Variants in ADCY8 observed in about 807,000 individuals in gnomAD.
ADCY8 encodes the protein adenylate cyclase 8, also known as adenylate cyclase type 8.
A neutral mutation model predicts 119.7 loss-of-function variants in ADCY8; 51 were observed. The observed-to-expected ratio is 0.43, with a 90% CI of 0.34 to 0.54. The LOEUF (loss-of-function observed/expected upper bound fraction) is 0.54, where lower values mean the gene tolerates loss of function less well. Among genes scored for constraint, ADCY8 ranks in the 20% least tolerant of loss-of-function variants. The pLI is 0.03. For missense variants in ADCY8, 1,383 were observed against 1,598.8 expected (o/e 0.87, Z 2.30); for synonymous variants, 665 against 651.0 (o/e 1.02, Z -0.33).
At chr8:130,897,985 TAC>T (rs1239022207) in intron 7 of ADCY8, among the ~76,000 whole-genome samples, 2 of 149,524 alleles carry the variant, frequency 1.3e-5, no homozygotes, top group Non-Finnish European at 3.0e-5. Flanking sequence ...TCACACACAC[TAC>T]ACACACAACA....
At chr8:130,785,796 T>G (rs1815232303) in intron 15 of ADCY8, among the ~76,000 whole-genome samples, 1 of 152,208 alleles carries the variant, frequency 6.6e-6, no homozygotes, top group African/African-American at 2.4e-5. Flanking sequence ...TCAAAACCAG[T>G]CTTCACTGTG....
intron 7 of ADCY8, among the ~76,000 whole-genome samples, chr8:130,886,178 C>T (rs1818974820): frequency 2.0e-5 from 3 of 152,056 alleles, no homozygotes; most frequent in Admixed American, 1.3e-4. Flanking sequence ...TATAGCAAGG[C>T]TCATCACGGC....
intron 8 of ADCY8, among the ~76,000 whole-genome samples, chr8:130,883,905 T>G (rs2130458870): frequency 6.6e-6 from 1 of 152,292 alleles, no homozygotes; most frequent in South Asian, 2.1e-4. Flanking sequence ...CCCTGAAGAC[T>G]TTCATATTAA....
chr8:131,013,688 A>G (rs930803767), intron 1 of ADCY8, among the ~76,000 whole-genome samples: 3 of 152,172 alleles, frequency 2.0e-5, no homozygotes, highest in Admixed American at 6.6e-5. Context: ...GATGGTTACT[A>G]TGGCAATTTT....
chr8:130,829,212 G>A (rs1816755534), intron 12 of ADCY8, among the ~76,000 whole-genome samples: 2 of 152,158 alleles, frequency 1.3e-5, no homozygotes, highest in Admixed American at 1.3e-4. Context: ...TCCATCAAGG[G>A]CAGGGTTTAT....
intron 7 of ADCY8, among the ~76,000 whole-genome samples, chr8:130,899,450 A>G (rs1181150492): frequency 6.6e-6 from 1 of 152,156 alleles, no homozygotes; most frequent in Non-Finnish European, 1.5e-5. Context: ...TACTAAAAAT[A>G]CAAAAATTAG....
intron 1 of ADCY8, among the ~76,000 whole-genome samples, chr8:130,997,305 A>G (rs2130755016): frequency 6.6e-6 from 1 of 152,224 alleles, no homozygotes; most frequent in Non-Finnish European, 1.5e-5. Context: ...ACTTGTGTAA[A>G]TATGTGTGTA....
At chr8:130,916,598 A>G (rs1006251238) in intron 5 of ADCY8, among the ~76,000 whole-genome samples, 1 of 152,224 alleles carries the variant, frequency 6.6e-6, no homozygotes, top group African/African-American at 2.4e-5. Context: ...AATGGCCATA[A>G]CGCACAAGCT....
intron 7 of ADCY8, among the ~76,000 whole-genome samples, chr8:130,901,242 C>CTTTTTTTTTTTTTTTTTTTTT (rs34424673): frequency 2.6e-5 from 3 of 115,584 alleles, no homozygotes; most frequent in African/African-American, 3.3e-5. Context: ...CATCCCTCCT[C>CTTTTTTTTTTTTTTTTTTTTT]TTTTTTTTTT....
At chr8:130,787,628 C>CTACATGTGTACAGTACATGTG (rs1563664015) in intron 15 of ADCY8, among the ~76,000 whole-genome samples, 2 of 152,204 alleles carry the variant, frequency 1.3e-5, no homozygotes, top group East Asian at 3.9e-4. Context: ...GTGTGTATGT[C>CTACATGTGTACAGTACATGTG]TACATGTGTA....
intron 14 of ADCY8, among the ~76,000 whole-genome samples, chr8:130,803,044 C>T (rs1211806798): frequency 1.3e-5 from 2 of 152,142 alleles, no homozygotes; most frequent in Non-Finnish European, 2.9e-5. Flanking sequence ...TTCCAAGCTA[C>T]TTGTGTTTAC....
chr8:130,831,732 T>G (rs1563683129), intron 12 of ADCY8, among the ~76,000 whole-genome samples: 1 of 152,176 alleles, frequency 6.6e-6, no homozygotes, highest in Non-Finnish European at 1.5e-5. Flanking sequence ...TAAAGGGTTT[T>G]TAGAAAGAAT....
In ADCY8 at chr8:130,836,351, G is replaced by A. The variant is rs1246968703; in HGVS notation, c.2601C>T (p.Ala867=). 9.3e-6 allele frequency: 15 copies of A among 1,613,812 alleles called. No individual in the cohort carries two copies. In the South Asian group the frequency reaches 1.4e-4, roughly 15 times the overall value. The change falls in exon 12 of 18, where the codon GCC becomes GCT. Residue 867 remains alanine, a synonymous_variant. Coordinates refer to ENST00000286355, the MANE Select transcript of ADCY8 (RefSeq NM_001115.3). ...CGGTCTCAGTGAGCAGGGCATAGAT[G>A]GCAATCATGATCAGCAGCACTGCCA... ...LKLAVLLIMI[A]IYALLTETVY...
At chr8:130,821,631 T>C (rs1319268884) in intron 12 of ADCY8, among the ~76,000 whole-genome samples, 1 of 152,170 alleles carries the variant, frequency 6.6e-6, no homozygotes, top group Non-Finnish European at 1.5e-5. Context: ...AGAACACATA[T>C]GGTGAAAGAG....
At chr8:131,007,189 AT>A (rs1823147068) in intron 1 of ADCY8, among the ~76,000 whole-genome samples, 1 of 152,212 alleles carries the variant, frequency 6.6e-6, no homozygotes, top group Non-Finnish European at 1.5e-5. Flanking sequence ...CTTTTTATGA[AT>A]ACTAATTACT....
At chr8:131,009,796 G>T (rs1238183971) in intron 1 of ADCY8, among the ~76,000 whole-genome samples, 2 of 152,198 alleles carry the variant, frequency 1.3e-5, no homozygotes, top group East Asian at 3.9e-4. Flanking sequence ...TAGAAGTTAG[G>T]CAAGCAAGGA....
At chr8:131,009,759 C>T (rs933141161) in intron 1 of ADCY8, among the ~76,000 whole-genome samples, 3 of 152,108 alleles carry the variant, frequency 2.0e-5, no homozygotes, top group Non-Finnish European at 4.4e-5. Flanking sequence ...GAGGAGGTAA[C>T]ATTTAAGTTG....
At chr8:130,815,374 T>C (rs2130175842) in intron 13 of ADCY8, among the ~76,000 whole-genome samples, 1 of 152,338 alleles carries the variant, frequency 6.6e-6, no homozygotes, top group South Asian at 2.1e-4. Context: ...GCACTTAATA[T>C]TTGATGGCTC....
chr8:130,952,382 T>C (rs1821300941), intron 2 of ADCY8, among the ~76,000 whole-genome samples: 1 of 152,214 alleles, frequency 6.6e-6, no homozygotes, highest in South Asian at 2.1e-4. Context: ...GGATTAAGAA[T>C]GGCCTTACCA....
Sources: gnomAD v4.1 joint callset for allele counts (sites outside exome capture counted in the v4.1 genomes callset) on GRCh38, gnomAD v4.1.1 for gene constraint, MANE v1.5 for transcripts, NCBI Gene and HGNC (gene_info 2026-07-23, HGNC 2026-07-21) for gene names.